MTFMT: variants seen among roughly 807,000 people sequenced by gnomAD.
MTFMT encodes the protein methionyl-tRNA formyltransferase, mitochondrial.
Under a neutral mutation model 51.8 loss-of-function variants are expected in MTFMT, and 47 were observed. That is an observed-to-expected ratio of 0.91 (90% confidence interval 0.72 to 1.16). The LOEUF (loss-of-function observed/expected upper bound fraction) is 1.16. Among genes scored for constraint, MTFMT ranks in the 50% most tolerant of loss-of-function variants. The probability of loss-of-function intolerance (pLI) is 0.00; values close to 1 mark genes in which losing one functional copy is unlikely to be tolerated. For synonymous variants in MTFMT, 196 were observed against 176.7 expected (o/e 1.11, Z -0.87); for missense variants, 512 against 482.3 (o/e 1.06, Z -0.58).
chr15:65,027,117 G>C (rs1283028872), intron 1 of MTFMT, 77 bp from the exon 2 acceptor site: 1 of 996,684 alleles, frequency 1.0e-6, no homozygotes, highest in African/African-American at 1.6e-5. Context: ...ATATCGCTAA[G>C]TATGTTTATG....
intron 6 of MTFMT, among the ~76,000 whole-genome samples, chr15:65,014,112 T>C (rs1436112509): frequency 2.0e-5 from 3 of 152,176 alleles, no homozygotes; most frequent in African/African-American, 7.2e-5. Context: ...TGTGATTCTT[T>C]GGGTTAGCCC....
chr15:65,022,808 G>A (rs2086385668), intron 3 of MTFMT, among the ~76,000 whole-genome samples: 1 of 151,374 alleles, frequency 6.6e-6, no homozygotes, highest in Non-Finnish European at 1.5e-5. Context: ...CTAGGCTGAA[G>A]AGATCCTCTC....
chr15:65,018,159 C>A, intron 5 of MTFMT, among the ~76,000 whole-genome samples: 1 of 150,190 alleles, frequency 6.7e-6, no homozygotes, highest in African/African-American at 2.4e-5. Flanking sequence ...TAAAGCAATC[C>A]CTAAAATAAA....
At chr15:65,017,027 C>A (rs2086329760) in intron 5 of MTFMT, among the ~76,000 whole-genome samples, 2 of 151,242 alleles carry the variant, frequency 1.3e-5, no homozygotes, top group Non-Finnish European at 1.5e-5. Flanking sequence ...AGTGATCCAC[C>A]CGCCTCATCC....
intron 6 of MTFMT, among the ~76,000 whole-genome samples, chr15:65,006,550 G>A (rs777027587): frequency 1.3e-5 from 2 of 151,838 alleles, no homozygotes; most frequent in Non-Finnish European, 2.9e-5. Flanking sequence ...CTAATTTTTT[G>A]TATTTTAAGT....
At chr15:65,016,100 G>A (rs531527823) in intron 6 of MTFMT, 1 of 163,482 alleles carries the variant, frequency 6.1e-6, no homozygotes, top group African/African-American at 2.4e-5. Context: ...GGAGTGAGAA[G>A]ATTTAAGTTC....
chr15:65,008,279 C>A (rs1051870527), intron 6 of MTFMT, among the ~76,000 whole-genome samples: 1 of 152,084 alleles, frequency 6.6e-6, no homozygotes, highest in Non-Finnish European at 1.5e-5. Flanking sequence ...CCAGTTATCC[C>A]AATACTATTT....
rs779504699 is a variant in MTFMT, at chr15:65,023,758, T to C, written c.456A>G (p.Arg152=). ...GGATTACAGGGGCTGGGCCACGCCA[T>C]CTCGGGAGGCAACTGGGATGAACAT... ...ILNVHPSCLP[R]WRGPAPVIHT... is the part of the protein sequence containing the mutation. The change falls in exon 3 of 9, where the codon AGA becomes AGG. Residue 152 remains arginine, a synonymous_variant. Coordinates refer to ENST00000220058, the MANE Select transcript of MTFMT (RefSeq NM_139242.4). 4 of 1,613,260 alleles carry C rather than the reference T, an allele frequency of 2.5e-6. No individual in the cohort carries two copies. The highest frequency in any genetic ancestry group is 2.2e-5 in the South Asian group (2 of 90,950).
intron 7 of MTFMT, among the ~76,000 whole-genome samples, chr15:65,005,427 A>C (rs1566939040): frequency 6.6e-6 from 1 of 152,136 alleles, no homozygotes; most frequent in Non-Finnish European, 1.5e-5. Context: ...TTGTGGCATG[A>C]AGTATGAATA....
rs76044912 is a variant in MTFMT at position 65,019,266 on chromosome 15, G to A, written c.721+931C>T. Among the ~76,000 whole-genome samples the A allele has an allele frequency of 9.9e-3, 1,501 of 152,298 alleles. 28 individuals carry two copies. The highest frequency in any genetic ancestry group is 0.033 in the African/African-American group (1,367 of 41,556). The stretch of plus-strand genomic sequence containing the variant: ...CAGTCTGATATCTTGGCTTACTCAA[G>A]TGGTACCTTAAGACTGTAGGGGACA... On this transcript the variant is annotated intron_variant, in intron 5 of 8. Coordinates refer to ENST00000220058, the MANE Select transcript of MTFMT (RefSeq NM_139242.4).
At position 65,016,417 on chromosome 15, in the gene MTFMT, A is replaced by G; in HGVS notation, c.813+19T>C. 1 of 1,534,440 alleles carries G rather than the reference A, an allele frequency of 6.5e-7. No homozygotes were observed. The highest frequency in any genetic ancestry group is 1.4e-5 in the African/African-American group (1 of 73,200). ...AGAAAACCAACTAGGTAGAACTGCA[A>G]CCTGACTTCCCAACTTACTATATTT... On this transcript the variant is annotated intron_variant, in intron 6 of 8. Coordinates refer to ENST00000220058, the MANE Select transcript of MTFMT (RefSeq NM_139242.4).
At chr15:65,020,159 C>A (rs1446950817) in intron 5 of MTFMT, 38 bp downstream of exon 5, 2 of 1,573,432 alleles carry the variant, frequency 1.3e-6, no homozygotes, top group Admixed American at 3.6e-5. Context: ...ACAAGCAGAA[C>A]CTTTAGAAAG....
At chr15:65,010,023 T>TA (rs951904381) in intron 6 of MTFMT, among the ~76,000 whole-genome samples, 1 of 152,116 alleles carries the variant, frequency 6.6e-6, no homozygotes, top group African/African-American at 2.4e-5. Flanking sequence ...TGTACATACC[T>TA]AATCCCATTA....
chr15:65,003,188 T>C lies in MTFMT; in HGVS notation c.1044A>G (p.Gly348=). The C allele has an allele frequency of 6.2e-7, 1 of 1,613,784 alleles. No homozygotes were observed. The change falls in exon 9 of 9, where the codon GGA becomes GGG. Residue 348 remains glycine (G), a synonymous_variant. Transcript: ENST00000220058. ...TTTTCTGGTACCAGGGGTGCAAATA[T>C]CCATTGTAGAAGTCAGTAGCTGTTA... ...KSLTATDFYN[G]YLHPWYQKNS... is the part of the protein sequence containing the mutation.
rs1323209987 is a variant in MTFMT at position 65,029,583 on chromosome 15, G to A, written c.31C>T (p.Pro11Ser). Reference sequence around the variant, plus strand: ...CGCCTGGCGCCATGAGCCAGCGGAGGACCCCAACAGCGCCGCACCAACACC... The same window carrying A: ...CGCCTGGCGCCATGAGCCAGCGGAGAACCCCAACAGCGCCGCACCAACACC... Reference protein sequence around the residue: MRVLVRRCWGPPLAHGARRGR... With the variant: MRVLVRRCWGSPLAHGARRGR... The change falls in exon 1 of 9, where the codon CCT becomes TCT. Residue 11 changes from proline (P) to serine (S), a missense_variant. Pro to Ser is a moderately conservative substitution (Grantham distance 74). Transcript: ENST00000220058. The A allele has an allele frequency of 9.4e-6, 14 of 1,483,320 alleles. No individual in the cohort carries two copies. Among genetic ancestry groups the A allele is most frequent in the South Asian group, 2.5e-5 (2 of 79,400 alleles). 91.9% of individuals were successfully genotyped at this position (1,483,320 alleles called of 1,614,324 possible).
intron 6 of MTFMT, among the ~76,000 whole-genome samples, chr15:65,014,772 C>T (rs576025809): frequency 8.6e-5 from 13 of 151,238 alleles, no homozygotes; most frequent in Non-Finnish European, 1.6e-4. Context: ...GGATTACAGG[C>T]GCATGCCACC....
At chr15:65,023,217 C>T (rs1283493678) in intron 3 of MTFMT, among the ~76,000 whole-genome samples, 13 of 152,024 alleles carry the variant, frequency 8.6e-5, no homozygotes, top group Admixed American at 7.9e-4. Context: ...CTAAATTGTT[C>T]TAAACTATAG....
chr15:65,010,370 G>A (rs900364682), intron 6 of MTFMT, among the ~76,000 whole-genome samples: 2 of 3,748 alleles, frequency 5.3e-4, no homozygotes, highest in Non-Finnish European at 0.011. Context: ...CAGAAAAAAC[G>A]CCATCCATTA....
intron 6 of MTFMT, among the ~76,000 whole-genome samples, chr15:65,014,958 CTTG>C (rs2086305886): frequency 7.2e-6 from 1 of 139,514 alleles, no homozygotes; most frequent in South Asian, 2.2e-4. Context: ...TTTTTGCTTA[CTTG>C]TTGTCTGTCC....
Sources: gnomAD v4.1 joint callset for allele counts (sites outside exome capture counted in the v4.1 genomes callset) on GRCh38, gnomAD v4.1.1 for gene constraint, MANE v1.5 for transcripts, NCBI Gene and HGNC (gene_info 2026-07-23, HGNC 2026-07-21) for gene names.